WDR3: variants seen among roughly 807,000 people sequenced by gnomAD.
The protein encoded by WDR3 is WD repeat domain 3.
A neutral mutation model predicts 123.7 loss-of-function variants in WDR3; 81 were observed. The ratio of observed to expected loss-of-function variants is 0.65; its 90% CI spans 0.55 to 0.79. WDR3 has a LOEUF of 0.79. Ranked by LOEUF, WDR3 falls within the 30% of genes least tolerant of loss-of-function variation. The pLI, the probability that WDR3 is intolerant of heterozygous loss-of-function variation, is 0.00. For missense variants in WDR3, 1,027 were observed against 1,123.2 expected, an observed-to-expected ratio of 0.91 and a Z score of 1.22; for synonymous variants, 390 against 388.8, an observed-to-expected ratio of 1.00 and a Z score of -0.04.
At position 117,964,083 on chromosome 1, in the gene WDR3, T is replaced by C. The variant is rs1571072371; in HGVS notation, c.*4636T>C. The C allele has an allele frequency of 4.7e-6, 4 of 849,698 alleles. No homozygotes were observed. The highest frequency in any genetic ancestry group is 7.2e-6 in the Non-Finnish European group (4 of 555,142). 52.6% of individuals were successfully genotyped at this position (849,698 alleles called of 1,614,324 possible). On this transcript the variant is annotated 3_prime_UTR_variant, in exon 27 of 27. Coordinates refer to ENST00000349139, the MANE Select transcript of WDR3 (RefSeq NM_006784.3). ...CTGTCTATCCAATGCAAATTCTGCA[T>C]GCTCAGGCTTGGGGGTTAGAGGATG...
At chr1:117,937,101 C>T (rs1037687969) in intron 4 of WDR3, among the ~76,000 whole-genome samples, 4 of 152,034 alleles carry the variant, frequency 2.6e-5, no homozygotes, top group Non-Finnish European at 5.9e-5. Context: ...ATTTGTCATT[C>T]TTTTTTCTTG....
chr1:117,935,274 T>C (rs1343683572), intron 3 of WDR3, among the ~76,000 whole-genome samples: 1 of 152,172 alleles, frequency 6.6e-6, no homozygotes, highest in Non-Finnish European at 1.5e-5. Flanking sequence ...TAGATACAGA[T>C]ATATTTAAAT....
chr1:117,950,860 A>AGT lies in WDR3; in HGVS notation c.1773_1774insGT (p.Leu592ValfsTer16). The AGT allele has an allele frequency of 6.2e-7, 1 of 1,609,800 alleles. No individual in the cohort carries two copies. The highest frequency in any genetic ancestry group is 8.5e-7 in the Non-Finnish European group (1 of 1,178,800). ...TTTTTCTGTCACTGTATGGACACAA[A>AGT]CTGCCTGTTATATGCATGGACATCT... On this transcript the variant is annotated frameshift_variant, in exon 16 of 27. Coordinates refer to ENST00000349139, the MANE Select transcript of WDR3 (RefSeq NM_006784.3). LOFTEE classifies it high-confidence loss of function.
chr1:117,959,950 A>T lies in WDR3; in HGVS notation c.*503A>T. 1 of 152,382 alleles carries T rather than the reference A, an allele frequency of 6.6e-6. No homozygotes were observed. The highest frequency in any genetic ancestry group is 6.5e-5 in the Admixed American group (1 of 15,284). 9.4% of individuals were successfully genotyped at this position (152,382 alleles called of 1,614,324 possible). A position where few individuals can be genotyped will look rare whatever the true frequency, so the allele number is the denominator to read the frequency against. On this transcript the variant is annotated 3_prime_UTR_variant, in exon 27 of 27. Coordinates refer to ENST00000349139, the MANE Select transcript of WDR3 (RefSeq NM_006784.3). ...CTAAAAAGGACTGTAAAAATTACCC[A>T]GAACAGCGTCCTCAGACTTAACCTT...
intron 12 of WDR3, among the ~76,000 whole-genome samples, chr1:117,947,050 C>T (rs1037609826): frequency 2.6e-5 from 4 of 151,794 alleles, no homozygotes; most frequent in East Asian, 1.9e-4. Flanking sequence ...CAGCAGCTTT[C>T]GTACCAGATG....
rs1393385858 is a variant in WDR3, at chr1:117,931,612, A to T, written c.-32-1676A>T. 2.0e-5 allele frequency among the ~76,000 whole-genome samples: 3 copies of T among 152,192 alleles called. No individual in the cohort carries two copies. In the East Asian group the frequency reaches 5.8e-4, roughly 29 times the overall value. ...ATTCATGTAGGTGGAAAGGACTGGA[A>T]ATAGACAGATGGGAGTCCCTGGACC... On this transcript the variant is annotated intron_variant, in intron 1 of 26. Transcript: ENST00000349139.
At chr1:117,953,334 G>C in intron 20 of WDR3, 142 bp from the exon 21 acceptor site, 2 of 825,748 alleles carry the variant, frequency 2.4e-6, no homozygotes, top group Non-Finnish European at 3.9e-6. Context: ...CATATGCTAA[G>C]TTCTGTTACT....
In WDR3 at chr1:117,963,809, G is replaced by T. The variant is rs139199807; in HGVS notation, c.*4362G>T. Reference sequence around the variant, plus strand: ...TATTACTTACTGTACCTAATGTGGAGAAACTTTACGAGACATGAAGACTCC... The same window carrying T: ...TATTACTTACTGTACCTAATGTGGATAAACTTTACGAGACATGAAGACTCC... On this transcript the variant is annotated 3_prime_UTR_variant, in exon 27 of 27. Coordinates refer to ENST00000349139, the MANE Select transcript of WDR3 (RefSeq NM_006784.3). 6.2e-7 allele frequency: 1 copy of T among 1,612,172 alleles called. No homozygotes were observed. Among genetic ancestry groups the T allele is most frequent in the Non-Finnish European group, 8.5e-7 (1 of 1,178,962 alleles).
Position 117,941,830 on chromosome 1 carries a change from A to C in WDR3, c.972A>C (p.Lys324Asn). The change falls in exon 9 of 27, where the codon AAA becomes AAC. Residue 324 changes from lysine to asparagine, a missense_variant. Coordinates refer to ENST00000349139, the MANE Select transcript of WDR3 (RefSeq NM_006784.3). ...IQKKMDKKMK[K>N]ARKKAKLHSS... ...AGAAAATGGATAAGAAGATGAAGAA[A>C]GCTAGAAAGAAAGCAAAGTATGTTT... 4 of 1,609,996 alleles carry C rather than the reference A, an allele frequency of 2.5e-6. No individual in the cohort carries two copies. The highest frequency in any genetic ancestry group is 3.4e-6 in the Non-Finnish European group (4 of 1,179,024).
At chr1:117,941,984 A>T in intron 9 of WDR3, 137 bp downstream of exon 9, 2 of 1,362,316 alleles carry the variant, frequency 1.5e-6, no homozygotes, top group Non-Finnish European at 1.9e-6. Flanking sequence ...AGGTATCGAT[A>T]ACCCAAATTT....
At position 117,964,004 on chromosome 1, in the gene WDR3, C is replaced by G. The variant is rs1422977926; in HGVS notation, c.*4557C>G. ...TATTTGCATATATAAACCTAAATAA[C>G]ATTTTAGAATCATAGAATTTCTTCT... On this transcript the variant is annotated 3_prime_UTR_variant, in exon 27 of 27. Coordinates refer to ENST00000349139, the MANE Select transcript of WDR3 (RefSeq NM_006784.3). The G allele has an allele frequency of 1.1e-5, 17 of 1,515,944 alleles. No individual in the cohort carries two copies. In the Admixed American group the frequency reaches 3.2e-4, roughly 29 times the overall value. The allele number at this position is 1,515,944 out of a possible 1,614,324, so 93.9% of individuals were successfully genotyped here. A position where few individuals can be genotyped will look rare whatever the true frequency, so the allele number is the denominator to read the frequency against.
chr1:117,957,825 AC>A (rs1478803516), intron 25 of WDR3, among the ~76,000 whole-genome samples: 1 of 152,194 alleles, frequency 6.6e-6, no homozygotes, highest in Non-Finnish European at 1.5e-5. Context: ...GTGTAAGCTA[AC>A]AGGTTTTGCT....
chr1:117,949,039 A>G (rs559533948), intron 13 of WDR3, among the ~76,000 whole-genome samples: 2 of 152,246 alleles, frequency 1.3e-5, no homozygotes, highest in African/African-American at 4.8e-5. Context: ...AATATTCTCA[A>G]TGATAGACAA....
chr1:117,950,797 T>G, intron 15 of WDR3, 37 bp from the exon 16 acceptor site: 1 of 1,547,418 alleles, frequency 6.5e-7, no homozygotes, highest in Non-Finnish European at 8.9e-7. Flanking sequence ...ACCCATATTT[T>G]ATAGACAGAC....
intron 5 of WDR3, 127 bp downstream of exon 5, chr1:117,938,685 G>T: frequency 1.4e-6 from 1 of 700,120 alleles, no homozygotes; most frequent in Non-Finnish European, 2.3e-6. Context: ...GCCATCTTGA[G>T]GGACAGTGAG....
rs151247763 is a variant in WDR3 at position 117,950,029 on chromosome 1, G to A, written c.1645G>A (p.Asp549Asn). Residue 549 changes from aspartate to asparagine, a missense_variant, in exon 15 of 27, where the codon GAT becomes AAT. By Grantham distance (23) the Asp-to-Asn change is conservative (BLOSUM62 1). Coordinates refer to ENST00000349139, the MANE Select transcript of WDR3 (RefSeq NM_006784.3). ...GAAGCAAACCCGAACTTTGCAACTA[G>A]ATGAAGATGTTCTGTGTGTCAGTTA... Reference protein sequence around the residue: ...SVKQTRTLQLDEDVLCVSYSP... With the variant: ...SVKQTRTLQLNEDVLCVSYSP... 12 of 1,613,968 alleles carry A rather than the reference G, an allele frequency of 7.4e-6. No homozygotes were observed. The highest frequency in any genetic ancestry group is 1.0e-5 in the Non-Finnish European group (12 of 1,179,948).
chr1:117,954,172 TTTA>T, intron 22 of WDR3, 73 bp downstream of exon 22: 2 of 1,284,986 alleles, frequency 1.6e-6, no homozygotes, highest in South Asian at 2.7e-5. Context: ...TGTTTTGGGA[TTTA>T]TTAACTAAGA....
At chr1:117,950,747 T>C (rs1651579563) in intron 15 of WDR3, 87 bp from the exon 16 acceptor site, 2 of 1,148,434 alleles carry the variant, frequency 1.7e-6, no homozygotes, top group Non-Finnish European at 2.5e-6. Context: ...TTTAAAAATG[T>C]GTTTAAAGTT....
At position 117,962,320 on chromosome 1, in the gene WDR3, C is replaced by A. The variant is rs1229630345; in HGVS notation, c.*2873C>A. ...GGTGCATTATAAAGTAAATTTTAAG[C>A]CAGGCAAATTTCTAGTCATTAAGTC... On this transcript the variant is annotated 3_prime_UTR_variant, in exon 27 of 27. Transcript: ENST00000349139. 6.6e-6 allele frequency: 1 copy of A among 152,078 alleles called. No homozygotes were observed. The highest frequency in any genetic ancestry group is 2.4e-5 in the African/African-American group (1 of 41,408). The allele number at this position is 152,078 out of a possible 1,614,324, so 9.4% of individuals were successfully genotyped here.
Sources: gnomAD v4.1 joint callset for allele counts (sites outside exome capture counted in the v4.1 genomes callset) on GRCh38, gnomAD v4.1.1 for gene constraint, MANE v1.5 for transcripts, NCBI Gene and HGNC (gene_info 2026-07-23, HGNC 2026-07-21) for gene names.